Variants in GPR158 observed in about 807,000 individuals in gnomAD.
The protein encoded by GPR158 is metabotropic glycine receptor.
Under a neutral mutation model 78.2 loss-of-function variants are expected in GPR158, and 30 were observed. The observed-to-expected ratio is 0.38, with a 90% CI of 0.29 to 0.52. GPR158 has a LOEUF of 0.52. Ranked by LOEUF, GPR158 falls within the 20% of genes least tolerant of loss-of-function variation. The pLI, the probability that GPR158 is intolerant of heterozygous loss-of-function variation, is 0.83. For synonymous variants in GPR158, 581 were observed against 591.1 expected, an observed-to-expected ratio of 0.98 and a Z score of 0.25; for missense variants, 1,463 against 1,523.5, an observed-to-expected ratio of 0.96 and a Z score of 0.66.
chr10:25,274,047 C>T (rs188284892), intron 2 of GPR158, among the ~76,000 whole-genome samples: 2 of 152,256 alleles, frequency 1.3e-5, no homozygotes, highest in African/African-American at 4.8e-5. Flanking sequence ...GACAAGTTGG[C>T]AGTGCACAGC....
intron 7 of GPR158, among the ~76,000 whole-genome samples, chr10:25,579,966 T>C (rs1411924658): frequency 6.6e-6 from 1 of 152,200 alleles, no homozygotes; most frequent in Admixed American, 6.5e-5. Context: ...TATTCCCTGA[T>C]AGGAATCCTG....
chr10:25,554,454 G>C (rs982389251), intron 6 of GPR158, among the ~76,000 whole-genome samples: 1 of 152,102 alleles, frequency 6.6e-6, no homozygotes, highest in Non-Finnish European at 1.5e-5. Context: ...CTAATTGATT[G>C]TAGTATTTAT....
At chr10:25,533,563 G>T (rs1028924578) in intron 5 of GPR158, among the ~76,000 whole-genome samples, 16 of 151,844 alleles carry the variant, frequency 1.1e-4, no homozygotes, top group African/African-American at 3.6e-4. Flanking sequence ...TGAATTATTC[G>T]GTTTAAAACA....
At chr10:25,473,392 T>G (rs1296949441) in intron 5 of GPR158, among the ~76,000 whole-genome samples, 1 of 152,178 alleles carries the variant, frequency 6.6e-6, no homozygotes, top group East Asian at 1.9e-4. Flanking sequence ...TTGATGTTCA[T>G]CAGGGATATT....
At chr10:25,253,806 C>T (rs564821264) in intron 2 of GPR158, among the ~76,000 whole-genome samples, 23 of 152,014 alleles carry the variant, frequency 1.5e-4, no homozygotes, top group Admixed American at 1.0e-3. Context: ...CTTTCCTTTT[C>T]GAAGAAAATT....
intron 2 of GPR158, among the ~76,000 whole-genome samples, chr10:25,256,767 T>C (rs1217689698): frequency 6.6e-6 from 1 of 152,166 alleles, no homozygotes; most frequent in African/African-American, 2.4e-5. Flanking sequence ...CCTTCCCTAA[T>C]TAAACATATA....
intron 5 of GPR158, among the ~76,000 whole-genome samples, chr10:25,529,934 G>T (rs1355120597): frequency 6.6e-6 from 1 of 152,040 alleles, no homozygotes; most frequent in African/African-American, 2.4e-5. Context: ...ATATATTTTT[G>T]TCTCACTTTT....
At chr10:25,447,040 A>G (rs1835146294) in intron 4 of GPR158, among the ~76,000 whole-genome samples, 1 of 152,376 alleles carries the variant, frequency 6.6e-6, no homozygotes. Flanking sequence ...GTTATAAAAC[A>G]TGATACTTTG....
intron 4 of GPR158, among the ~76,000 whole-genome samples, chr10:25,459,305 G>A (rs1835328690): frequency 6.6e-6 from 1 of 152,026 alleles, no homozygotes; most frequent in African/African-American, 2.4e-5. Context: ...TTTTTAAAAG[G>A]ATATAGATTT....
chr10:25,374,933 G>A (rs1054189732), intron 2 of GPR158, among the ~76,000 whole-genome samples: 2 of 151,626 alleles, frequency 1.3e-5, no homozygotes, highest in Non-Finnish European at 3.0e-5. Context: ...TATGTCACAT[G>A]GAAAGTGCAA....
intron 6 of GPR158, among the ~76,000 whole-genome samples, chr10:25,571,234 G>C (rs12781894): frequency 1.3e-5 from 2 of 152,226 alleles, no homozygotes; most frequent in South Asian, 4.1e-4. Flanking sequence ...TGTTTTACTT[G>C]TATCTGTTAC....
At chr10:25,205,817 T>C (rs1283039785) in intron 1 of GPR158, among the ~76,000 whole-genome samples, 1 of 152,144 alleles carries the variant, frequency 6.6e-6, no homozygotes, top group African/African-American at 2.4e-5. Flanking sequence ...ATTTTAGTTT[T>C]TTTTTTAATT....
rs79508690 is a variant in GPR158, at chr10:25,191,741, C to G, written c.902+15419C>G. 4.6e-3 allele frequency among the ~76,000 whole-genome samples: 705 copies of G among 152,162 alleles called. 17 individuals are homozygous for G. The highest frequency in any genetic ancestry group is 0.038 in the Admixed American group (586 of 15,284). On this transcript the variant is annotated intron_variant, in intron 1 of 10. Coordinates refer to ENST00000376351, the MANE Select transcript of GPR158 (RefSeq NM_020752.3). Reference sequence around the variant, plus strand: ...GAAACATTCCAGTATTGTGAAGGAGCCTATCAGTACTGCAAATTTAAAATG... The same window carrying G: ...GAAACATTCCAGTATTGTGAAGGAGGCTATCAGTACTGCAAATTTAAAATG...
intron 5 of GPR158, among the ~76,000 whole-genome samples, chr10:25,518,551 C>A (rs1836215139): frequency 3.0e-5 from 2 of 67,216 alleles, no homozygotes; most frequent in Non-Finnish European, 5.6e-5. Flanking sequence ...TGAATGCGTC[C>A]CAGAGATTCT....
intron 2 of GPR158, among the ~76,000 whole-genome samples, chr10:25,394,538 G>A (rs752418066): frequency 1.3e-5 from 2 of 152,038 alleles, no homozygotes; most frequent in Admixed American, 6.6e-5. Context: ...TGCATGCTGC[G>A]GTTATTTCCT....
intron 6 of GPR158, among the ~76,000 whole-genome samples, chr10:25,560,908 A>G (rs1836851349): frequency 6.6e-6 from 1 of 152,226 alleles, no homozygotes; most frequent in South Asian, 2.1e-4. Flanking sequence ...CAGAGAAAAC[A>G]GATTCAAAAA....
At chr10:25,501,947 T>C (rs183530551) in intron 5 of GPR158, among the ~76,000 whole-genome samples, 3 of 152,212 alleles carry the variant, frequency 2.0e-5, no homozygotes, top group Admixed American at 1.3e-4. Flanking sequence ...CCCCCAGCAC[T>C]TGCAAACTGT....
At chr10:25,212,627 C>CTT (rs10642944) in intron 1 of GPR158, among the ~76,000 whole-genome samples, 2,335 of 78,484 alleles carry the variant, frequency 0.03, 174 homozygotes, top group African/African-American at 0.066. Flanking sequence ...GAATTTATAG[C>CTT]TTTTTTTTTT....
At chr10:25,189,286 A>T (rs1469923383) in intron 1 of GPR158, among the ~76,000 whole-genome samples, 2 of 152,242 alleles carry the variant, frequency 1.3e-5, no homozygotes, top group African/African-American at 4.8e-5. Context: ...ATTACTGGGT[A>T]TACGCCCAAA....
Sources: gnomAD v4.1 joint callset for allele counts (sites outside exome capture counted in the v4.1 genomes callset) on GRCh38, gnomAD v4.1.1 for gene constraint, MANE v1.5 for transcripts, NCBI Gene and HGNC (gene_info 2026-07-23, HGNC 2026-07-21) for gene names.